SLC13A1: variants seen among roughly 807,000 people sequenced by gnomAD.
The protein encoded by SLC13A1 is solute carrier family 13 member 1.
A neutral mutation model predicts 70.0 loss-of-function variants in SLC13A1; 65 were observed. The ratio of observed to expected loss-of-function variants is 0.93; its 90% CI spans 0.76 to 1.14. The LOEUF (loss-of-function observed/expected upper bound fraction) is 1.14. Among genes scored for constraint, SLC13A1 ranks in the 50% most tolerant of loss-of-function variants. The pLI is 0.00. For synonymous variants in SLC13A1, 275 were observed against 250.5 expected, an observed-to-expected ratio of 1.10 and a Z score of -0.92; for missense variants, 726 against 717.8, an observed-to-expected ratio of 1.01 and a Z score of -0.13.
At chr7:123,128,518 C>G (rs1157864205) in intron 10 of SLC13A1, among the ~76,000 whole-genome samples, 1 of 152,084 alleles carries the variant, frequency 6.6e-6, no homozygotes, top group African/African-American at 2.4e-5. Flanking sequence ...TGCTCCCAAC[C>G]ACCACAGAAC....
At chr7:123,151,328 TC>T (rs1794546929) in intron 6 of SLC13A1, among the ~76,000 whole-genome samples, 3 of 151,266 alleles carry the variant, frequency 2.0e-5, no homozygotes, top group Non-Finnish European at 2.9e-5. Context: ...AAGACCCGTC[TC>T]AAAACAAAAC....
intron 7 of SLC13A1, among the ~76,000 whole-genome samples, chr7:123,140,294 T>C (rs1794090692): frequency 6.6e-6 from 1 of 152,098 alleles, no homozygotes; most frequent in Non-Finnish European, 1.5e-5. Flanking sequence ...CATTTGGTCA[T>C]GATGAATGAT....
intron 12 of SLC13A1, 76 bp from the exon 13 acceptor site, chr7:123,119,318 A>C: frequency 9.8e-7 from 1 of 1,020,466 alleles, no homozygotes; most frequent in Non-Finnish European, 1.4e-6. Context: ...CCATAAAAAA[A>C]CATTATTTCC....
chr7:123,197,711 A>T, intron 1 of SLC13A1, among the ~76,000 whole-genome samples: 1 of 152,160 alleles, frequency 6.6e-6, no homozygotes, highest in East Asian at 1.9e-4. Flanking sequence ...CCAGCTCACC[A>T]GATGCAACTT....
rs1793448117 is a variant in SLC13A1 at position 123,123,255 on chromosome 7, C to G, written c.1241-20G>C. 2 of 1,429,744 alleles carry G rather than the reference C, an allele frequency of 1.4e-6. No homozygotes were observed. The highest frequency in any genetic ancestry group is 9.9e-7 in the Non-Finnish European group (1 of 1,012,510). The allele number at this position is 1,429,744 out of a possible 1,614,324, so 88.6% of individuals were successfully genotyped here. A position where few individuals can be genotyped will look rare whatever the true frequency, so the allele number is the denominator to read the frequency against. On this transcript the variant is annotated intron_variant, in intron 11 of 14. Transcript: ENST00000194130. ...AAGCAACTGCAAAACAAAAATCCTA[C>G]AGTTACACATTGCTTAAAATATTAC...
intron 6 of SLC13A1, among the ~76,000 whole-genome samples, chr7:123,165,780 C>A (rs1336733502): frequency 1.3e-5 from 2 of 152,088 alleles, no homozygotes; most frequent in East Asian, 1.9e-4. Flanking sequence ...GAAAAAAAAA[C>A]ATTCTTTACT....
At position 123,127,824 on chromosome 7, in the gene SLC13A1, T is replaced by C. The variant is rs571323456; in HGVS notation, c.1133+1021A>G. Among the ~76,000 whole-genome samples the C allele has an allele frequency of 3.2e-4, 47 of 147,712 alleles. 1 individual carries two copies. The South Asian group carries it at 9.3e-3, about 29-fold the overall frequency. On this transcript the variant is annotated intron_variant, in intron 10 of 14. Transcript: ENST00000194130. ...ATATGACCTAAACAATTTTGGTTTC[T>C]ACCCCAAAATACAATTTTTTTTTTT...
chr7:123,135,983 G>A (rs1224889143), intron 7 of SLC13A1, among the ~76,000 whole-genome samples: 2 of 152,174 alleles, frequency 1.3e-5, no homozygotes, highest in Non-Finnish European at 2.9e-5. Context: ...AATGTTTGTT[G>A]TCTCCAATTG....
intron 1 of SLC13A1, 135 bp from the exon 2 acceptor site, chr7:123,181,236 G>T: frequency 1.2e-6 from 1 of 835,106 alleles, no homozygotes; most frequent in Non-Finnish European, 1.7e-6. Flanking sequence ...GCATCTTTGA[G>T]TTGCCCTCAA....
chr7:123,124,040 G>A (rs2116281787), intron 11 of SLC13A1, among the ~76,000 whole-genome samples: 1 of 152,194 alleles, frequency 6.6e-6, no homozygotes, highest in Non-Finnish European at 1.5e-5. Context: ...CTTACTTTAA[G>A]GTCATATATC....
Position 123,129,457 on chromosome 7 carries a change from G to A in SLC13A1, c.957C>T (p.Gly319=). 3.7e-6 allele frequency: 6 copies of A among 1,612,036 alleles called. No homozygotes were observed. The highest frequency in any genetic ancestry group is 5.1e-6 in the Non-Finnish European group (6 of 1,179,216). ...CTTTTTGTTGGACTGTTTTGGTTTTGCCACATTTGAACATCTCCTTAAAAC... is the reference window on the plus strand; with the variant it reads ...CTTTTTGTTGGACTGTTTTGGTTTTACCACATTTGAACATCTCCTTAAAAC... ...GFNFKEMFKC[G]KTKTVQQKAC... is the part of the protein sequence containing the mutation. The change falls in exon 9 of 15, where the codon GGC becomes GGT. Residue 319 remains glycine (G), a synonymous_variant. Coordinates refer to ENST00000194130, the MANE Select transcript of SLC13A1 (RefSeq NM_022444.4).
At chr7:123,118,570 C>A (rs1294692424) in intron 13 of SLC13A1, among the ~76,000 whole-genome samples, 1 of 151,954 alleles carries the variant, frequency 6.6e-6, no homozygotes, top group Non-Finnish European at 1.5e-5. Flanking sequence ...TTTAGCAAAC[C>A]CACTTACTTT....
intron 6 of SLC13A1, among the ~76,000 whole-genome samples, chr7:123,165,945 C>G (rs1169742687): frequency 6.6e-6 from 1 of 152,032 alleles, no homozygotes; most frequent in African/African-American, 2.4e-5. Context: ...GTTTAAAGTG[C>G]TGACAAGGTA....
Position 123,114,997 on chromosome 7 carries a change from A to G in SLC13A1, c.*521T>C, listed in dbSNP as rs1793132212. 1 of 152,258 alleles carries G rather than the reference A, an allele frequency of 6.6e-6. No homozygotes were observed. The highest frequency in any genetic ancestry group is 6.5e-5 in the Admixed American group (1 of 15,282). 9.4% of individuals were successfully genotyped at this position (152,258 alleles called of 1,614,324 possible). The stretch of plus-strand genomic sequence containing the variant: ...GGATTTTTTAAATGAGGAAATGCAC[A>G]TATCATTTAGATTAAACTTTTCTCT... On this transcript the variant is annotated 3_prime_UTR_variant, in exon 15 of 15. Coordinates refer to ENST00000194130, the MANE Select transcript of SLC13A1 (RefSeq NM_022444.4).
At chr7:123,145,420 A>T (rs1481487095) in intron 7 of SLC13A1, among the ~76,000 whole-genome samples, 1 of 152,182 alleles carries the variant, frequency 6.6e-6, no homozygotes, top group East Asian at 1.9e-4. Context: ...AACTAATTTC[A>T]TGTGAATGAT....
intron 1 of SLC13A1, among the ~76,000 whole-genome samples, chr7:123,194,186 A>C (rs1796095462): frequency 6.6e-6 from 1 of 152,152 alleles, no homozygotes; most frequent in South Asian, 2.1e-4. Flanking sequence ...CAATGTATCC[A>C]TGATGCAATG....
intron 1 of SLC13A1, among the ~76,000 whole-genome samples, chr7:123,189,126 A>AAG (rs1261637689): frequency 1.3e-5 from 2 of 150,476 alleles, no homozygotes; most frequent in Non-Finnish European, 3.0e-5. Context: ...AAAAAAAAAA[A>AAG]AAAAAAGAAA....
chr7:123,172,161 C>T (rs1328318054), intron 2 of SLC13A1, among the ~76,000 whole-genome samples: 1 of 152,092 alleles, frequency 6.6e-6, no homozygotes, highest in East Asian at 1.9e-4. Flanking sequence ...CAGGTAAGTG[C>T]TTTTCTATTG....
intron 1 of SLC13A1, among the ~76,000 whole-genome samples, chr7:123,187,659 A>G (rs187335280): frequency 6.6e-6 from 1 of 152,326 alleles, no homozygotes; most frequent in East Asian, 1.9e-4. Context: ...TTTAAAATTA[A>G]ATAAGGTTTA....
Sources: gnomAD v4.1 joint callset for allele counts (sites outside exome capture counted in the v4.1 genomes callset) on GRCh38, gnomAD v4.1.1 for gene constraint, MANE v1.5 for transcripts, NCBI Gene and HGNC (gene_info 2026-07-23, HGNC 2026-07-21) for gene names.